The following MYO1D variants were observed in gnomAD, a reference collection of about 807,000 sequenced individuals.
MYO1D encodes myosin ID.
A neutral mutation model predicts 122.0 loss-of-function variants in MYO1D; 83 were observed. That is an observed-to-expected ratio of 0.68 (90% confidence interval 0.57 to 0.82). MYO1D has a LOEUF of 0.82. Among genes scored for constraint, MYO1D ranks in the 40% least tolerant of loss-of-function variants. The pLI, the probability that MYO1D is intolerant of heterozygous loss-of-function variation, is 0.00. For synonymous variants in MYO1D, 464 were observed against 446.9 expected, an observed-to-expected ratio of 1.04 and a Z score of -0.48; for missense variants, 1,157 against 1,269.5, an observed-to-expected ratio of 0.91 and a Z score of 1.35.
chr17:32,672,348 T>C (rs1173180954), intron 16 of MYO1D, among the ~76,000 whole-genome samples: 1 of 152,240 alleles, frequency 6.6e-6, no homozygotes, highest in African/African-American at 2.4e-5. Context: ...ATAATGCCTA[T>C]TATTTAATTT....
chr17:32,873,003 A>G (rs1346081592), intron 1 of MYO1D, among the ~76,000 whole-genome samples: 2 of 152,338 alleles, frequency 1.3e-5, no homozygotes, highest in Admixed American at 1.3e-4. Flanking sequence ...GCCTAGGTCA[A>G]TTTTTAAAAG....
rs1484702945 is a variant in MYO1D, at chr17:32,494,451, C to T, written c.*308G>A. On this transcript the variant is annotated 3_prime_UTR_variant, in exon 22 of 22. Transcript: ENST00000318217. ...CAGGTGCTCTGACTTGACCTGGCCA[C>T]GGGGCATCCGCACCAACTAAAGGCA... is the stretch of plus-strand genomic sequence containing the variant. 4 of 340,718 alleles carry T rather than the reference C, an allele frequency of 1.2e-5. No individual in the cohort carries two copies. The highest frequency in any genetic ancestry group is 2.1e-5 in the African/African-American group (1 of 47,070). The allele number at this position is 340,718 out of a possible 1,614,324, so 21.1% of individuals were successfully genotyped here.
At chr17:32,739,227 T>C (rs938649151) in intron 13 of MYO1D, among the ~76,000 whole-genome samples, 1 of 152,090 alleles carries the variant, frequency 6.6e-6, no homozygotes, top group Non-Finnish European at 1.5e-5. Context: ...CTTAAAAAAT[T>C]GGGGGTTGAG....
intron 1 of MYO1D, among the ~76,000 whole-genome samples, chr17:32,836,868 C>A (rs1392131973): frequency 2.0e-5 from 3 of 152,066 alleles, no homozygotes; most frequent in African/African-American, 7.2e-5. Context: ...TTTTAAAAGT[C>A]TCTTGGTAGA....
chr17:32,555,664 C>G (rs1381506994), intron 21 of MYO1D, among the ~76,000 whole-genome samples: 1 of 152,176 alleles, frequency 6.6e-6, no homozygotes, highest in Non-Finnish European at 1.5e-5. Context: ...CCGCTCGTCC[C>G]GGCTAGAATC....
At chr17:32,643,906 G>A (rs1209285039) in intron 19 of MYO1D, among the ~76,000 whole-genome samples, 2 of 151,948 alleles carry the variant, frequency 1.3e-5, no homozygotes, top group African/African-American at 4.8e-5. Context: ...AGGGTTTTTT[G>A]TGTCTCCATC....
At chr17:32,759,204 T>A (rs73281856) in intron 10 of MYO1D, among the ~76,000 whole-genome samples, 1 of 152,088 alleles carries the variant, frequency 6.6e-6, no homozygotes, top group Non-Finnish European at 1.5e-5. Flanking sequence ...TTATATAAAA[T>A]AGCCCTTTGG....
At chr17:32,652,476 T>C (rs1032462067) in intron 19 of MYO1D, among the ~76,000 whole-genome samples, 3 of 152,232 alleles carry the variant, frequency 2.0e-5, no homozygotes, top group African/African-American at 7.2e-5. Flanking sequence ...GCCATATTTA[T>C]GTTACTGTCT....
At position 32,741,838 on chromosome 17, in the gene MYO1D, C is replaced by A. The variant is rs556361734; in HGVS notation, c.1613+3373G>T. 1.4e-4 allele frequency among the ~76,000 whole-genome samples: 21 copies of A among 151,788 alleles called. No homozygotes were observed. The East Asian group carries it at 3.7e-3, about 27-fold the overall frequency. Reference sequence around the variant, plus strand: ...ACCATCCTGGCTAACACAGTGAAACCCCGTCTCTACTAAAAATACAAAAAA... The same window carrying A: ...ACCATCCTGGCTAACACAGTGAAACACCGTCTCTACTAAAAATACAAAAAA... On this transcript the variant is annotated intron_variant, in intron 13 of 21. Transcript: ENST00000318217.
At chr17:32,738,141 T>C in intron 14 of MYO1D, 112 bp downstream of exon 14, 1 of 920,840 alleles carries the variant, frequency 1.1e-6, no homozygotes, top group Non-Finnish European at 1.6e-6. Context: ...ACTTTATACA[T>C]ATTCTTCAAT....
chr17:32,687,447 T>C (rs2089034223), intron 16 of MYO1D, among the ~76,000 whole-genome samples: 1 of 152,178 alleles, frequency 6.6e-6, no homozygotes, highest in Non-Finnish European at 1.5e-5. Context: ...TCCACCCGCC[T>C]TGGCCTCCCA....
At chr17:32,823,680 T>C (rs1239176608) in intron 1 of MYO1D, among the ~76,000 whole-genome samples, 2 of 152,104 alleles carry the variant, frequency 1.3e-5, no homozygotes, top group African/African-American at 2.4e-5. Context: ...TAAAAGTAAC[T>C]ACTAGGAAAA....
chr17:32,788,500 A>C lies in MYO1D; in HGVS notation c.96-7716T>G, dbSNP rs551182746. ...TTCATTCTTCTACATGTGGCTTGCC[A>C]GTTTTCCCAGCACCATTTACTGAAT... On this transcript the variant is annotated intron_variant, in intron 1 of 21. Transcript: ENST00000318217. Among the ~76,000 whole-genome samples, 356 of 152,266 alleles carry C rather than the reference A, an allele frequency of 2.3e-3. 4 individuals are homozygous for C. The highest frequency in any genetic ancestry group is 7.3e-3 in the African/African-American group (304 of 41,558).
chr17:32,550,349 C>T (rs2087001399), intron 21 of MYO1D, among the ~76,000 whole-genome samples: 1 of 152,214 alleles, frequency 6.6e-6, no homozygotes, highest in Admixed American at 6.5e-5. Flanking sequence ...ATCTGCCTGC[C>T]TTGGCCTCCC....
chr17:32,691,404 CTTTTTTT>C (rs57902806), intron 16 of MYO1D, among the ~76,000 whole-genome samples: 60 of 110,428 alleles, frequency 5.4e-4, no homozygotes, highest in African/African-American at 7.2e-4. Flanking sequence ...AAAGAAAATT[CTTTTTTT>C]TTTTTTTTTT....
intron 20 of MYO1D, among the ~76,000 whole-genome samples, chr17:32,612,581 G>A (rs908842618): frequency 1.3e-5 from 2 of 150,886 alleles, no homozygotes; most frequent in Admixed American, 6.6e-5. Flanking sequence ...AGCTACTCAG[G>A]AGGCTGAGGC....
At chr17:32,860,714 A>G (rs1413415139) in intron 1 of MYO1D, among the ~76,000 whole-genome samples, 1 of 152,232 alleles carries the variant, frequency 6.6e-6, no homozygotes, top group Non-Finnish European at 1.5e-5. Context: ...ACACAAAGCT[A>G]GGAGACAGAT....
chr17:32,506,641 A>T (rs1029158034), intron 21 of MYO1D, among the ~76,000 whole-genome samples: 5 of 152,276 alleles, frequency 3.3e-5, no homozygotes, highest in Non-Finnish European at 7.3e-5. Context: ...AAATGAGCAC[A>T]GTAAACCTAG....
intron 21 of MYO1D, among the ~76,000 whole-genome samples, chr17:32,588,901 C>T (rs953147390): frequency 6.6e-6 from 1 of 152,034 alleles, no homozygotes. Flanking sequence ...TGAGATCCCA[C>T]CACTGCACTC....
Sources: allele counts gnomAD v4.1 joint callset (sites outside exome capture counted in the v4.1 genomes callset), GRCh38; gene constraint gnomAD v4.1.1; transcripts MANE v1.5; gene names NCBI Gene and HGNC (gene_info 2026-07-23, HGNC 2026-07-21).